Variants in PRH1 observed in about 807,000 individuals in gnomAD.
PRH1 encodes salivary acidic proline-rich phosphoprotein 1/2.
A neutral mutation model predicts 7.9 loss-of-function variants in PRH1; 7 were observed. The observed-to-expected ratio is 0.89, with a 90% CI of 0.50 to 1.67. The LOEUF (loss-of-function observed/expected upper bound fraction) is 1.67. PRH1 is among the 40% of genes most tolerant of loss of function. The pLI, the probability that PRH1 is intolerant of heterozygous loss-of-function variation, is 0.00. For synonymous variants in PRH1, 45 were observed against 80.8 expected, an observed-to-expected ratio of 0.56 and a Z score of 2.38; for missense variants, 109 against 223.6, an observed-to-expected ratio of 0.49 and a Z score of 3.27.
chr12:10,984,044 T>G (rs1939488343), intron 1 of PRH1, among the ~76,000 whole-genome samples: 1 of 151,330 alleles, frequency 6.6e-6, no homozygotes, highest in Non-Finnish European at 1.5e-5. Flanking sequence ...TTTAAAATAT[T>G]CTATAAAAGT....
At chr12:11,032,445 G>A (rs1591850866) in intron 1 of PRH1, among the ~76,000 whole-genome samples, 1 of 152,172 alleles carries the variant, frequency 6.6e-6, no homozygotes, top group East Asian at 1.9e-4. Context: ...AGATCTGGTT[G>A]CTGCTAACAC....
At chr12:10,887,958 T>C (rs968866558), upstream of PRH1, among the ~76,000 whole-genome samples, 1 of 152,218 alleles carries the variant, frequency 6.6e-6, no homozygotes, top group Admixed American at 6.5e-5. Context: ...TACAGGAAAT[T>C]AAGTAATTGT....
intron 1 of PRH1, among the ~76,000 whole-genome samples, chr12:11,164,923 C>T (rs1395268460): frequency 6.6e-6 from 1 of 152,018 alleles, no homozygotes; most frequent in Non-Finnish European, 1.5e-5. Context: ...TCCTAGACCC[C>T]TTTGCAGTGC....
At chr12:11,161,151 G>A (rs573714870) in intron 1 of PRH1, among the ~76,000 whole-genome samples, 16 of 145,434 alleles carry the variant, frequency 1.1e-4, no homozygotes, top group Middle Eastern at 6.8e-3. Context: ...CCTGGAATAA[G>A]GTGACCCCAA....
chr12:11,027,632 G>C (rs536057385), intron 1 of PRH1, among the ~76,000 whole-genome samples: 5 of 152,324 alleles, frequency 3.3e-5, no homozygotes, highest in African/African-American at 9.6e-5. Flanking sequence ...CTGGTCTCAA[G>C]TGGAATCCAG....
chr12:10,945,438 G>A (rs1358357128), intron 2 of PRH1, among the ~76,000 whole-genome samples: 1 of 152,136 alleles, frequency 6.6e-6, no homozygotes, highest in Non-Finnish European at 1.5e-5. Context: ...CAGGTTCAGT[G>A]ATGCCCCCTA....
intron 1 of PRH1, among the ~76,000 whole-genome samples, chr12:11,042,164 C>G (rs1014421241): frequency 6.6e-6 from 1 of 151,388 alleles, no homozygotes; most frequent in African/African-American, 2.4e-5. Flanking sequence ...GAAAACAATA[C>G]AAAAGATCAA....
chr12:11,016,173 T>TATCTGGTAGTGTAGGGGTTCA (rs1941285305), intron 1 of PRH1, among the ~76,000 whole-genome samples: 3 of 152,040 alleles, frequency 2.0e-5, no homozygotes, highest in Admixed American at 6.5e-5. Context: ...CCAATTCAAC[T>TATCTGGTAGTGTAGGGGTTCA]GTCTGATAGA....
intron 2 of PRH1, among the ~76,000 whole-genome samples, chr12:10,923,622 T>C (rs1339213440): frequency 6.6e-6 from 1 of 152,250 alleles, no homozygotes; most frequent in Non-Finnish European, 1.5e-5. Flanking sequence ...AAAGTTTTTG[T>C]GGCACAAATT....
chr12:11,041,477 A>G (rs1942708236), intron 1 of PRH1, among the ~76,000 whole-genome samples: 2 of 152,192 alleles, frequency 1.3e-5, no homozygotes, highest in Admixed American at 1.3e-4. Flanking sequence ...CCAGATATAT[A>G]AAGCAAATAT....
intron 2 of PRH1, among the ~76,000 whole-genome samples, chr12:10,907,534 T>C (rs976139308): frequency 1.3e-5 from 2 of 151,980 alleles, no homozygotes; most frequent in African/African-American, 2.4e-5. Context: ...TGTGTGTGTA[T>C]ATATGGCATC....
Position 10,986,363 on chromosome 12 carries a change from C to G in PRH1, c.-125-12642G>C, listed in dbSNP as rs774705878. The G allele has an allele frequency of 1.2e-6, 2 of 1,614,018 alleles. No individual in the cohort carries two copies. Among genetic ancestry groups the G allele is most frequent in the East Asian group, 4.5e-5 (2 of 44,870 alleles). On this transcript the variant is annotated intron_variant, in intron 1 of 3. Transcript: ENST00000539853. Reference sequence around the variant, plus strand: ...AAAGATGTACTGTATTCCTCAATTTCATCTTCCCAGTCATGTTTCCTTCAT... The same window carrying G: ...AAAGATGTACTGTATTCCTCAATTTGATCTTCCCAGTCATGTTTCCTTCAT...
chr12:11,069,121 T>TTC (rs1332664221), intron 1 of PRH1, among the ~76,000 whole-genome samples: 58,685 of 121,088 alleles, frequency 0.48, 12,813 homozygotes, highest in Non-Finnish European at 0.57. Flanking sequence ...TTTCACCATG[T>TTC]TTCCTAGGTT....
At chr12:11,005,933 CT>C (rs1940808158) in intron 1 of PRH1, 1 of 152,126 alleles carries the variant, frequency 6.6e-6, no homozygotes, top group Admixed American at 6.6e-5. Context: ...AGACTCTAGA[CT>C]TCCCTTGGTA....
chr12:10,969,964 C>G (rs1466945134), intron 2 of PRH1, among the ~76,000 whole-genome samples: 1 of 152,040 alleles, frequency 6.6e-6, no homozygotes, highest in Non-Finnish European at 1.5e-5. Context: ...CCACACCCGG[C>G]TAATTTTTGT....
chr12:11,082,773 G>C lies in PRH1; in HGVS notation n.124-35585C>G, dbSNP rs574673643. ...GTGACCTCCAGCAAAGAATACTCTT[G>C]TTCTGGCTGTTTAATTTTGTTCCAC... On this transcript the variant is annotated intron_variant and non_coding_transcript_variant, in intron 1 of 4. Coordinates refer to the PRH1 transcript ENST00000541977. Among the ~76,000 whole-genome samples, 4 of 100,852 alleles carry C rather than the reference G, an allele frequency of 4.0e-5. 1 individual carries two copies. Among genetic ancestry groups the C allele is most frequent in the Non-Finnish European group, 7.2e-5 (3 of 41,580 alleles). 66.2% of individuals were successfully genotyped at this position (100,852 alleles called of 152,430 possible).
At chr12:11,031,166 C>G in intron 1 of PRH1, 14 of 1,614,194 alleles carry the variant, frequency 8.7e-6, no homozygotes, top group Non-Finnish European at 1.2e-5. Context: ...CCAGAGCAAA[C>G]CAACTCTGGA....
chr12:10,982,532 C>G (rs1447295069), intron 1 of PRH1, among the ~76,000 whole-genome samples: 1 of 152,160 alleles, frequency 6.6e-6, no homozygotes, highest in Admixed American at 6.5e-5. Flanking sequence ...AAAATCAAAA[C>G]AATTTGCTTT....
chr12:11,000,862 T>C (rs930423716), intron 1 of PRH1, among the ~76,000 whole-genome samples: 3 of 152,154 alleles, frequency 2.0e-5, no homozygotes, highest in African/African-American at 7.2e-5. Context: ...ATTGATTATT[T>C]ATTTTTTGCT....
Sources: allele counts gnomAD v4.1 joint callset (sites outside exome capture counted in the v4.1 genomes callset), GRCh38; gene constraint gnomAD v4.1.1; transcripts MANE v1.5; gene names NCBI Gene and HGNC (gene_info 2026-07-23, HGNC 2026-07-21).